TBC1D32: variants seen among roughly 807,000 people sequenced by gnomAD.
TBC1D32 encodes protein broad-minded.
A neutral mutation model predicts 170.3 loss-of-function variants in TBC1D32; 151 were observed. That is an observed-to-expected ratio of 0.89 (90% CI 0.78 to 1.01). TBC1D32 has a LOEUF of 1.01. TBC1D32 is among the 50% of genes least tolerant of loss of function. The pLI, the probability that TBC1D32 is intolerant of heterozygous loss-of-function variation, is 0.00. For synonymous variants in TBC1D32, 498 were observed against 488.0 expected (o/e 1.02, Z -0.27); for missense variants, 1,464 against 1,457.1 (o/e 1.00, Z -0.08).
chr6:121,331,368 C>G (rs192122635), intron 1 of TBC1D32, among the ~76,000 whole-genome samples: 109 of 107,178 alleles, frequency 1.0e-3, no homozygotes, highest in African/African-American at 3.0e-3. Flanking sequence ...ACTACCATGC[C>G]CGGCTAATTT....
intron 26 of TBC1D32, among the ~76,000 whole-genome samples, chr6:121,121,077 A>C (rs1270168365): frequency 6.6e-6 from 1 of 152,064 alleles, no homozygotes; most frequent in Non-Finnish European, 1.5e-5. Flanking sequence ...CTCATATTGA[A>C]GATACAAAGG....
intron 24 of TBC1D32, among the ~76,000 whole-genome samples, chr6:121,142,283 T>G (rs543218741): frequency 6.6e-6 from 1 of 152,338 alleles, no homozygotes; most frequent in East Asian, 1.9e-4. Flanking sequence ...AAAGGCAATC[T>G]AATGCCAAGT....
chr6:121,153,132 G>A (rs570640641), intron 24 of TBC1D32, among the ~76,000 whole-genome samples: 6 of 152,256 alleles, frequency 3.9e-5, no homozygotes, highest in Admixed American at 3.3e-4. Context: ...CCTCACCTTT[G>A]TGGATTTATC....
At chr6:121,123,216 C>G (rs1780461646) in intron 26 of TBC1D32, among the ~76,000 whole-genome samples, 1 of 151,918 alleles carries the variant, frequency 6.6e-6, no homozygotes, top group African/African-American at 2.4e-5. Context: ...CCTTCTATAC[C>G]CAATTTGTTA....
chr6:121,302,127 A>C (rs1415657279), intron 9 of TBC1D32, among the ~76,000 whole-genome samples: 1 of 152,176 alleles, frequency 6.6e-6, no homozygotes, highest in Non-Finnish European at 1.5e-5. Flanking sequence ...AGAAATCCTC[A>C]TAGTATATCT....
intron 30 of TBC1D32, among the ~76,000 whole-genome samples, chr6:121,100,011 G>C (rs1777839070): frequency 6.6e-6 from 1 of 151,716 alleles, no homozygotes; most frequent in Admixed American, 6.6e-5. Context: ...AAATTAAAGA[G>C]TATATGGTAT....
chr6:121,090,089 C>G (rs571930961), intron 31 of TBC1D32, among the ~76,000 whole-genome samples: 1 of 152,114 alleles, frequency 6.6e-6, no homozygotes, highest in Non-Finnish European at 1.5e-5. Context: ...CCCGCCAACA[C>G]AGCCAGCTAA....
At chr6:121,281,727 T>G (rs41292574) in intron 13 of TBC1D32, 41 bp from the exon 14 acceptor site, 214 of 1,465,652 alleles carry the variant, frequency 1.5e-4, no homozygotes, top group Non-Finnish European at 1.4e-4. Context: ...AAACATTAAA[T>G]ACTTAGAACT....
chr6:121,192,066 T>TCA (rs368817994), intron 22 of TBC1D32, among the ~76,000 whole-genome samples: 2 of 122,414 alleles, frequency 1.6e-5, no homozygotes, highest in Admixed American at 9.7e-5. Flanking sequence ...AAACTACCCT[T>TCA]TATATATATA....
At chr6:121,288,864 A>C (rs184902552) in intron 12 of TBC1D32, among the ~76,000 whole-genome samples, 1 of 152,286 alleles carries the variant, frequency 6.6e-6, no homozygotes, top group African/African-American at 2.4e-5. Flanking sequence ...CAAATCAATA[A>C]ACGTAATCCA....
In TBC1D32 at chr6:121,241,480, C is replaced by T. The variant is rs1796980934; in HGVS notation, c.2230G>A (p.Ala744Thr). 5 of 1,612,928 alleles carry T rather than the reference C, an allele frequency of 3.1e-6. No individual in the cohort carries two copies. Among genetic ancestry groups the T allele is most frequent in the Non-Finnish European group, 4.2e-6 (5 of 1,179,486 alleles). The change falls in exon 19 of 32, where the codon GCA becomes ACA. Residue 744 changes from alanine (A) to threonine (T), a missense_variant. By Grantham distance (58) the Ala-to-Thr change is moderately conservative. Around this residue, in one of 3 missense-constraint regions of TBC1D32, gnomAD observed 1,363 missense variants for 1,338.1 expected, o/e 1.02. Coordinates refer to ENST00000398212, the MANE Select transcript of TBC1D32 (RefSeq NM_152730.6). Reference protein sequence around the residue: ...RVASTAAGGIALKKSGFINEL... With the variant: ...RVASTAAGGITLKKSGFINEL... ...AAACATTTACCTGACTTTTTTAGTGCAATGCCACCTGCTGCTGTTGATGCC... is the reference window on the plus strand; with the variant it reads ...AAACATTTACCTGACTTTTTTAGTGTAATGCCACCTGCTGCTGTTGATGCC...
At chr6:121,194,847 T>C in intron 22 of TBC1D32, among the ~76,000 whole-genome samples, 1 of 152,194 alleles carries the variant, frequency 6.6e-6, no homozygotes, top group Admixed American at 6.5e-5. Flanking sequence ...ACATTATGCC[T>C]ATTGGATCCA....
At chr6:121,286,344 C>T (rs1771887536) in intron 12 of TBC1D32, among the ~76,000 whole-genome samples, 1 of 152,140 alleles carries the variant, frequency 6.6e-6, no homozygotes, top group Non-Finnish European at 1.5e-5. Flanking sequence ...GACGAATGCA[C>T]AAGCCTCAGT....
In TBC1D32 at chr6:121,230,704, T is replaced by G. The variant is rs368211700; in HGVS notation, c.2365-7352A>C. On this transcript the variant is annotated intron_variant, in intron 20 of 31. Coordinates refer to ENST00000398212, the MANE Select transcript of TBC1D32 (RefSeq NM_152730.6). The stretch of plus-strand genomic sequence containing the variant: ...ATATACACATGTGTGTATATATATT[T>G]GCCACTTGTGCAGTGTTTTTAGTTA... 2.0e-5 allele frequency among the ~76,000 whole-genome samples: 3 copies of G among 152,060 alleles called. No individual in the cohort carries two copies. The East Asian group carries it at 5.8e-4, about 29-fold the overall frequency.
At chr6:121,182,866 C>T (rs1486890268) in intron 22 of TBC1D32, among the ~76,000 whole-genome samples, 2 of 151,158 alleles carry the variant, frequency 1.3e-5, no homozygotes, top group Non-Finnish European at 3.0e-5. Flanking sequence ...CAACAATTAT[C>T]CGTGTTAAAT....
intron 24 of TBC1D32, among the ~76,000 whole-genome samples, chr6:121,149,750 G>A (rs111933535): frequency 4.6e-5 from 7 of 152,162 alleles, no homozygotes; most frequent in East Asian, 3.9e-4. Context: ...GCTCTCTATC[G>A]GTTCCACATG....
At chr6:121,169,320 A>T (rs994577339) in intron 22 of TBC1D32, among the ~76,000 whole-genome samples, 1 of 152,200 alleles carries the variant, frequency 6.6e-6, no homozygotes, top group African/African-American at 2.4e-5. Flanking sequence ...CAATGAGGAA[A>T]GGATTCTCTA....
intron 30 of TBC1D32, among the ~76,000 whole-genome samples, chr6:121,104,858 A>AT (rs1414388472): frequency 6.6e-6 from 1 of 151,808 alleles, no homozygotes; most frequent in East Asian, 1.9e-4. Flanking sequence ...ATAATTTAAC[A>AT]TAATAGCAAT....
At chr6:121,213,463 TAATAATAAAATAA>T (rs1366364640) in intron 21 of TBC1D32, among the ~76,000 whole-genome samples, 2,998 of 21,834 alleles carry the variant, frequency 0.14, 269 homozygotes, top group Middle Eastern at 0.31. Flanking sequence ...GCCACAAAAA[TAATAATAAAATAA>T]AATAAAATAA....
Sources: allele counts gnomAD v4.1 joint callset (sites outside exome capture counted in the v4.1 genomes callset), GRCh38; gene constraint gnomAD v4.1.1; regional missense constraint gnomAD v4.1.1; transcripts MANE v1.5; gene names NCBI Gene and HGNC (gene_info 2026-07-23, HGNC 2026-07-21).